DLG1: variants seen among roughly 807,000 people sequenced by gnomAD.
DLG1 encodes discs large MAGUK scaffold protein 1.
Under a neutral mutation model 123.4 loss-of-function variants are expected in DLG1, and 42 were observed. The ratio of observed to expected loss-of-function variants is 0.34; its 90% CI spans 0.27 to 0.44. DLG1 has a LOEUF of 0.44. DLG1 is among the 20% of genes least tolerant of loss of function. DLG1 has a pLI of 1.00. For synonymous variants in DLG1, 317 were observed against 356.2 expected, an observed-to-expected ratio of 0.89 and a Z score of 1.24; for missense variants, 942 against 1,082.6, an observed-to-expected ratio of 0.87 and a Z score of 1.82.
In DLG1 at chr3:197,296,450, T is replaced by C. The variant is rs769433622; in HGVS notation, c.47A>G (p.Glu16Gly). Residue 16 changes from glutamate (E) to glycine (G), a missense_variant, in exon 3 of 25, where the codon GAG (glutamate) becomes GGG (glycine). Glu to Gly is a moderately conservative substitution (Grantham distance 98). Coordinates refer to ENST00000667157, the MANE Select transcript of DLG1 (RefSeq NM_001366207.1). Reference sequence around the variant, plus strand: ...TTGGCTTAGTTTTGAACGATATTCCTCCAAAAGGTGCAATGCTCTCTGGGT... The same window carrying C: ...TTGGCTTAGTTTTGAACGATATTCCCCCAAAAGGTGCAATGCTCTCTGGGT... ...QDTQRALHLL[E>G]EYRSKLSQTE... is the part of the protein sequence containing the mutation. 1.9e-6 allele frequency: 3 copies of C among 1,613,624 alleles called. No individual in the cohort carries two copies. The East Asian group carries it at 6.7e-5, about 36-fold the overall frequency.
chr3:197,257,068 C>T (rs533759405), intron 4 of DLG1, among the ~76,000 whole-genome samples: 20 of 152,146 alleles, frequency 1.3e-4, no homozygotes, highest in African/African-American at 4.6e-4. Context: ...TAAAACCTAA[C>T]TTAAAAAATT....
chr3:197,207,733 A>G (rs773795620), intron 4 of DLG1, among the ~76,000 whole-genome samples: 1 of 147,902 alleles, frequency 6.8e-6, no homozygotes, highest in Non-Finnish European at 1.5e-5. Context: ...TATTTTTAAT[A>G]AAGTTTATAT....
chr3:197,078,657 T>C (rs115743750), intron 17 of DLG1: 1 of 152,210 alleles, frequency 6.6e-6, no homozygotes, highest in South Asian at 2.1e-4. Context: ...TAAAAATCTT[T>C]GTTCAAATCC....
chr3:197,047,086 C>A (rs1348227545), intron 24 of DLG1, among the ~76,000 whole-genome samples: 1 of 152,118 alleles, frequency 6.6e-6, no homozygotes, highest in Non-Finnish European at 1.5e-5. Flanking sequence ...AACAGAAAAA[C>A]CATTTTTTTC....
In DLG1 at chr3:197,161,708, T is replaced by C; in HGVS notation, c.484-11912A>G. ...GGCAGGACAGGGATCACAGGGACAG[T>C]GGGAGGAGAGGGAAGAACAGCTTCT... is the stretch of plus-strand genomic sequence containing the variant. On this transcript the variant is annotated intron_variant, in intron 5 of 24. Transcript: ENST00000667157. The C allele has an allele frequency of 1.9e-6, 3 of 1,576,142 alleles. No individual in the cohort carries two copies. In the South Asian group the frequency reaches 3.6e-5, roughly 19 times the overall value.
chr3:197,110,627 A>G (rs1443105471), intron 13 of DLG1, among the ~76,000 whole-genome samples: 1 of 152,222 alleles, frequency 6.6e-6, no homozygotes. Context: ...CGGCAACTCC[A>G]GATAGCAGAA....
chr3:197,046,966 TGTCA>T (rs1359336998), intron 24 of DLG1, among the ~76,000 whole-genome samples: 1 of 149,152 alleles, frequency 6.7e-6, no homozygotes, highest in Non-Finnish European at 1.5e-5. Context: ...TCTTAAAAAA[TGTCA>T]GTCAGGGTCA....
chr3:197,129,533 G>T (rs1781452385), intron 11 of DLG1, among the ~76,000 whole-genome samples: 1 of 152,182 alleles, frequency 6.6e-6, no homozygotes, highest in Non-Finnish European at 1.5e-5. Context: ...TATCATTAGT[G>T]TGTTCACTGT....
At position 197,231,154 on chromosome 3, in the gene DLG1, T is replaced by C. The variant is rs1274309985; in HGVS notation, c.319-36565A>G. 3.9e-5 allele frequency among the ~76,000 whole-genome samples: 6 copies of C among 152,304 alleles called. No individual in the cohort carries two copies. The East Asian group carries it at 9.6e-4, about 24-fold the overall frequency. On this transcript the variant is annotated intron_variant, in intron 4 of 24. Transcript: ENST00000667157. ...ATCACACTGCTGTAAGAGAACCATATGGGATTTAAATGATTAATGGAGTTA... is the reference window on the plus strand; with the variant it reads ...ATCACACTGCTGTAAGAGAACCATACGGGATTTAAATGATTAATGGAGTTA...
chr3:197,231,101 G>A (rs1300369565), intron 4 of DLG1, among the ~76,000 whole-genome samples: 1 of 152,146 alleles, frequency 6.6e-6, no homozygotes, highest in Non-Finnish European at 1.5e-5. Flanking sequence ...GCGCCTAACA[G>A]TTCTTAACAG....
At chr3:197,275,537 T>C (rs1015332812) in intron 4 of DLG1, among the ~76,000 whole-genome samples, 1 of 152,116 alleles carries the variant, frequency 6.6e-6, no homozygotes, top group Admixed American at 6.5e-5. Context: ...ATGTAGCATA[T>C]ATAGACAATA....
chr3:197,225,340 T>C (rs933420663), intron 4 of DLG1, among the ~76,000 whole-genome samples: 8 of 152,238 alleles, frequency 5.3e-5, no homozygotes, highest in African/African-American at 1.9e-4. Context: ...AACACATTAC[T>C]AAATTAACCA....
At chr3:197,172,042 C>CTAT (rs1804479882) in intron 5 of DLG1, among the ~76,000 whole-genome samples, 1 of 152,158 alleles carries the variant, frequency 6.6e-6, no homozygotes, top group South Asian at 2.1e-4. Context: ...CACACATTTT[C>CTAT]TATTGTTTCT....
In DLG1 at chr3:197,101,258, C is replaced by T. The variant is rs543891159; in HGVS notation, c.1546+3645G>A. Among the ~76,000 whole-genome samples the T allele has an allele frequency of 3.9e-5, 6 of 152,322 alleles. No individual in the cohort carries two copies. In the South Asian group the frequency reaches 6.2e-4, roughly 16 times the overall value. Reference sequence around the variant, plus strand: ...TCTCTTTATGGAAGAGCTTATTCAACTACAACGTAAAACGGGGATAACGGT... The same window carrying T: ...TCTCTTTATGGAAGAGCTTATTCAATTACAACGTAAAACGGGGATAACGGT... On this transcript the variant is annotated intron_variant, in intron 14 of 24. Transcript: ENST00000667157.
chr3:197,222,552 A>G (rs1737692942), intron 4 of DLG1, among the ~76,000 whole-genome samples: 2 of 152,174 alleles, frequency 1.3e-5, no homozygotes, highest in Admixed American at 1.3e-4. Flanking sequence ...CCACCCAATT[A>G]TCTCTTAACA....
At chr3:197,081,029 T>C (rs1275910424) in intron 17 of DLG1, 22 bp downstream of exon 17, 2 of 1,602,410 alleles carry the variant, frequency 1.2e-6, no homozygotes, top group African/African-American at 1.3e-5. Context: ...ATTACAAAAA[T>C]GTAGAGATTT....
intron 4 of DLG1, among the ~76,000 whole-genome samples, chr3:197,222,509 A>T (rs563484600): frequency 6.6e-6 from 1 of 152,276 alleles, no homozygotes; most frequent in Admixed American, 6.5e-5. Context: ...AGTGGGGAAA[A>T]TGATGTAATT....
intron 11 of DLG1, among the ~76,000 whole-genome samples, chr3:197,125,307 G>A (rs752558277): frequency 3.3e-5 from 5 of 152,110 alleles, no homozygotes; most frequent in African/African-American, 4.8e-5. Flanking sequence ...ATGGCCATAC[G>A]TAAAAAGCAG....
Position 197,062,640 on chromosome 3 carries a change from CTT to C in DLG1, c.2373+2634_2373+2635del, listed in dbSNP as rs1413199859. On this transcript the variant is annotated intron_variant, in intron 22 of 24. Transcript: ENST00000667157. ...CAAAATGTTACAGGCTTATCTCACA[CTT>C]TTCCAGTCCTGGCCCCAGAATCAGC... is the stretch of plus-strand genomic sequence containing the variant. 1.3e-5 allele frequency among the ~76,000 whole-genome samples: 2 copies of C among 152,250 alleles called. 1 individual carries two copies. Among genetic ancestry groups the C allele is most frequent in the South Asian group, 4.1e-4 (2 of 4,822 alleles).
Sources: allele counts gnomAD v4.1 joint callset (sites outside exome capture counted in the v4.1 genomes callset), GRCh38; gene constraint gnomAD v4.1.1; transcripts MANE v1.5; gene names NCBI Gene and HGNC (gene_info 2026-07-23, HGNC 2026-07-21).